The following FSHR variants were observed in gnomAD, a reference collection of about 807,000 sequenced individuals.
The protein encoded by FSHR is follicle stimulating hormone receptor, also known as follicle-stimulating hormone receptor.
FSHR carries 46 observed loss-of-function variants against 52.1 expected under a neutral mutation model. The observed-to-expected ratio is 0.88, with a 90% CI of 0.70 to 1.13. FSHR has a LOEUF of 1.13. Ranked by LOEUF, FSHR falls within the 50% of genes most tolerant of loss-of-function variation. The pLI, the probability that FSHR is intolerant of heterozygous loss-of-function variation, is 0.00. For missense variants in FSHR, 964 were observed against 834.6 expected, an observed-to-expected ratio of 1.16 and a Z score of -1.91; for synonymous variants, 399 against 309.6, an observed-to-expected ratio of 1.29 and a Z score of -3.03.
rs1675734437 is a variant in FSHR at position 48,990,758 on chromosome 2, A to T, written c.375-121T>A. The T allele has an allele frequency of 1.5e-5, 11 of 740,724 alleles. No individual in the cohort carries two copies. In the South Asian group the frequency reaches 1.6e-4, roughly 11 times the overall value. The allele number at this position is 740,724 out of a possible 1,614,324, so 45.9% of individuals were successfully genotyped here. On this transcript the variant is annotated intron_variant, in intron 4 of 9. Coordinates refer to ENST00000406846, the MANE Select transcript of FSHR (RefSeq NM_000145.4). ...AACCATCAGAAAAATCTACGAGAAAAGCCCGTATATACGTGAATTAGGCTC... is the reference window on the plus strand; with the variant it reads ...AACCATCAGAAAAATCTACGAGAAATGCCCGTATATACGTGAATTAGGCTC...
chr2:49,089,161 C>T (rs1450115882), intron 1 of FSHR, among the ~76,000 whole-genome samples: 3 of 149,790 alleles, frequency 2.0e-5, no homozygotes, highest in South Asian at 2.1e-4. Flanking sequence ...ATTTAATCTT[C>T]GTGGTGATAA....
At chr2:49,029,306 T>C (rs931447305) in intron 2 of FSHR, among the ~76,000 whole-genome samples, 1 of 152,190 alleles carries the variant, frequency 6.6e-6, no homozygotes, top group African/African-American at 2.4e-5. Flanking sequence ...ATTCCCTTTT[T>C]CAACTGTTTC....
intron 1 of FSHR, among the ~76,000 whole-genome samples, chr2:49,081,679 A>G (rs766725078): frequency 2.0e-5 from 3 of 152,178 alleles, no homozygotes; most frequent in Non-Finnish European, 4.4e-5. Flanking sequence ...TTTTGTCACT[A>G]TACTGCAGGT....
At chr2:49,028,281 T>C (rs1667978608) in intron 2 of FSHR, among the ~76,000 whole-genome samples, 1 of 152,218 alleles carries the variant, frequency 6.6e-6, no homozygotes, top group South Asian at 2.1e-4. Flanking sequence ...GGCACAGTGC[T>C]AAATGCTCTG....
intron 1 of FSHR, among the ~76,000 whole-genome samples, chr2:49,081,787 T>C (rs1670179991): frequency 6.6e-6 from 1 of 152,230 alleles, no homozygotes; most frequent in East Asian, 1.9e-4. Flanking sequence ...TCTGTCTCTG[T>C]TAGAAATATT....
chr2:49,090,905 C>T (rs1670581701), intron 1 of FSHR, among the ~76,000 whole-genome samples: 1 of 151,888 alleles, frequency 6.6e-6, no homozygotes, highest in Non-Finnish European at 1.5e-5. Flanking sequence ...ATTTGTCATT[C>T]TTATATTTTT....
chr2:49,110,119 T>A (rs1187142284), intron 1 of FSHR, among the ~76,000 whole-genome samples: 3 of 152,198 alleles, frequency 2.0e-5, no homozygotes, highest in African/African-American at 7.2e-5. Flanking sequence ...ATGCCCTTCA[T>A]ATTTAATATG....
At position 49,102,848 on chromosome 2, in the gene FSHR, C is replaced by CCTAAAT. The variant is rs60516180; in HGVS notation, c.153-34559_153-34558insATTTAG. On this transcript the variant is annotated intron_variant, in intron 1 of 9. Coordinates refer to ENST00000406846, the MANE Select transcript of FSHR (RefSeq NM_000145.4). ...TCCATGATTTTCAGGATTTCTGCCA[C>CCTAAAT]GGTTTGTTATTCTTTGGCATAAAGG... Among the ~76,000 whole-genome samples the CCTAAAT allele has an allele frequency of 3.8e-3, 583 of 151,616 alleles. 7 individuals are homozygous for CCTAAAT. The highest frequency in any genetic ancestry group is 0.013 in the African/African-American group (538 of 41,302).
intron 1 of FSHR, among the ~76,000 whole-genome samples, chr2:49,073,070 A>T (rs1669798231): frequency 6.6e-6 from 1 of 152,134 alleles, no homozygotes; most frequent in Admixed American, 6.6e-5. Context: ...GTAAGTGAGA[A>T]TATAATAAAG....
intron 1 of FSHR, among the ~76,000 whole-genome samples, chr2:49,106,256 A>C (rs781449861): frequency 1.3e-5 from 2 of 152,192 alleles, no homozygotes; most frequent in Non-Finnish European, 2.9e-5. Flanking sequence ...GAAGATATGC[A>C]AGGGCACACT....
intron 4 of FSHR, among the ~76,000 whole-genome samples, chr2:49,006,240 A>T (rs1667071899): frequency 6.6e-6 from 1 of 151,850 alleles, no homozygotes. Context: ...CTAATACATG[A>T]CCCTTAACAG....
chr2:49,012,982 C>G (rs1472916080), intron 4 of FSHR, among the ~76,000 whole-genome samples: 1 of 152,056 alleles, frequency 6.6e-6, no homozygotes, highest in Non-Finnish European at 1.5e-5. Flanking sequence ...TAAATGAGGT[C>G]ATAAGTGTAG....
At chr2:49,098,708 A>C (rs1415509830) in intron 1 of FSHR, among the ~76,000 whole-genome samples, 2 of 148,166 alleles carry the variant, frequency 1.3e-5, no homozygotes, top group South Asian at 4.2e-4. Flanking sequence ...ACATATATCT[A>C]TATATATTAT....
chr2:49,048,042 C>A (rs1233820956), intron 2 of FSHR, among the ~76,000 whole-genome samples: 1 of 152,000 alleles, frequency 6.6e-6, no homozygotes, highest in Non-Finnish European at 1.5e-5. Context: ...CCATACCCAG[C>A]TATTTTATTT....
chr2:49,017,364 T>G, intron 4 of FSHR, 125 bp downstream of exon 4: 1 of 701,238 alleles, frequency 1.4e-6, no homozygotes, highest in Non-Finnish European at 2.5e-6. Context: ...CCACCTCCAC[T>G]TCTGCCCCCC....
At chr2:48,964,963 A>G (rs1004817981) in intron 9 of FSHR, among the ~76,000 whole-genome samples, 2 of 151,442 alleles carry the variant, frequency 1.3e-5, no homozygotes, top group South Asian at 2.1e-4. Context: ...TGGAATGGGA[A>G]TAAGCCTTAC....
chr2:49,124,967 T>C (rs983008630), intron 1 of FSHR, among the ~76,000 whole-genome samples: 1 of 152,208 alleles, frequency 6.6e-6, no homozygotes, highest in Non-Finnish European at 1.5e-5. Flanking sequence ...CATCCATTCC[T>C]GTCACCTGTC....
intron 1 of FSHR, among the ~76,000 whole-genome samples, chr2:49,088,871 T>C (rs1375432833): frequency 6.6e-6 from 1 of 152,222 alleles, no homozygotes; most frequent in Non-Finnish European, 1.5e-5. Flanking sequence ...TCTTTCATAA[T>C]GCACTTAAAA....
chr2:48,996,675 G>T (rs1274155520), intron 4 of FSHR, among the ~76,000 whole-genome samples: 1 of 152,050 alleles, frequency 6.6e-6, no homozygotes, highest in Non-Finnish European at 1.5e-5. Flanking sequence ...TTGATTTTCA[G>T]CATGACAGCT....
Sources: gnomAD v4.1 joint callset for allele counts (sites outside exome capture counted in the v4.1 genomes callset) on GRCh38, gnomAD v4.1.1 for gene constraint, MANE v1.5 for transcripts, NCBI Gene and HGNC (gene_info 2026-07-23, HGNC 2026-07-21) for gene names.